ARPC5: variants seen among roughly 807,000 people sequenced by gnomAD.
The protein encoded by ARPC5 is actin related protein 2/3 complex subunit 5, also known as actin-related protein 2/3 complex subunit 5.
ARPC5 carries 5 observed loss-of-function variants against 15.4 expected under a neutral mutation model. That is an observed-to-expected ratio of 0.32 (90% CI 0.17 to 0.68). The LOEUF (loss-of-function observed/expected upper bound fraction) is 0.68. Among genes scored for constraint, ARPC5 ranks in the 30% least tolerant of loss-of-function variants. The pLI, the probability that ARPC5 is intolerant of heterozygous loss-of-function variation, is 0.71. For missense variants in ARPC5, 138 were observed against 192.8 expected, an observed-to-expected ratio of 0.72 and a Z score of 1.68; for synonymous variants, 85 against 72.2, an observed-to-expected ratio of 1.18 and a Z score of -0.90.
rs1350421352 is a variant in ARPC5, at chr1:183,622,987, T to C, written c.*4545A>G. The C allele has an allele frequency of 6.0e-6, 1 of 167,520 alleles. No homozygotes were observed. The highest frequency in any genetic ancestry group is 1.6e-4 in the East Asian group (1 of 6,160). The allele number at this position is 167,520 out of a possible 1,614,324, so 10.4% of individuals were successfully genotyped here. On this transcript the variant is annotated 3_prime_UTR_variant, in exon 4 of 4. Coordinates refer to ENST00000359856, the MANE Select transcript of ARPC5 (RefSeq NM_005717.4). ...GGATTTCTTAGGTGACTTGGCTCGT[T>C]CAATGTTATGCAACCAAGAGATATT... is the stretch of plus-strand genomic sequence containing the variant.
rs1219250572 is a variant in ARPC5, at chr1:183,633,144, T to C, written c.154A>G (p.Thr52Ala). Residue 52 changes from threonine to alanine, a missense_variant, in exon 2 of 4, where the codon ACA (threonine) becomes GCA (alanine). Physicochemically the swap from Thr to Ala is moderately conservative, Grantham distance 58. Around this residue, in one of 3 missense-constraint regions of ARPC5, gnomAD observed 121 missense variants for 153.7 expected, o/e 0.79. Coordinates refer to ENST00000359856, the MANE Select transcript of ARPC5 (RefSeq NM_005717.4). ...TTCAGAGCTGCCTGTAGGGCAGCTGTCATGTTTCCTGTGATGGAAGTTAAG... is the reference window on the plus strand; with the variant it reads ...TTCAGAGCTGCCTGTAGGGCAGCTGCCATGTTTCCTGTGATGGAAGTTAAG... Reference protein sequence around the residue: ...VDSCLRQGNMTAALQAALKNP... With the variant: ...VDSCLRQGNMAAALQAALKNP... 6.2e-7 allele frequency: 1 copy of C among 1,600,598 alleles called. No individual in the cohort carries two copies. Among genetic ancestry groups the C allele is most frequent in the Non-Finnish European group, 8.5e-7 (1 of 1,175,234 alleles).
At position 183,623,637 on chromosome 1, in the gene ARPC5, GGT is replaced by G; in HGVS notation, c.*3893_*3894del. ...AGGCCGTTGGTCTGTTCCTTAATTG[GGT>G]GTGTTTTTCAATTATTTTGGTGCTT... On this transcript the variant is annotated 3_prime_UTR_variant, in exon 4 of 4. Coordinates refer to ENST00000359856, the MANE Select transcript of ARPC5 (RefSeq NM_005717.4). 2.4e-6 allele frequency: 2 copies of G among 819,434 alleles called. No individual in the cohort carries two copies. The highest frequency in any genetic ancestry group is 1.9e-6 in the Non-Finnish European group (1 of 526,408). 50.8% of individuals were successfully genotyped at this position (819,434 alleles called of 1,614,324 possible).
intron 1 of ARPC5, among the ~76,000 whole-genome samples, chr1:183,634,435 A>G (rs376412301): frequency 9.2e-5 from 14 of 152,234 alleles, no homozygotes; most frequent in Non-Finnish European, 1.9e-4. Flanking sequence ...TTTCCCCACT[A>G]TAACAGGACA....
At position 183,622,883 on chromosome 1, in the gene ARPC5, T is replaced by C. The variant is rs1290904089; in HGVS notation, c.*4649A>G. 6.5e-6 allele frequency: 1 copy of C among 153,410 alleles called. No individual in the cohort carries two copies. The highest frequency in any genetic ancestry group is 1.9e-4 in the East Asian group (1 of 5,220). The allele number at this position is 153,410 out of a possible 1,614,324, so 9.5% of individuals were successfully genotyped here. A position where few individuals can be genotyped will look rare whatever the true frequency, so the allele number is the denominator to read the frequency against. On this transcript the variant is annotated 3_prime_UTR_variant, in exon 4 of 4. Coordinates refer to ENST00000359856, the MANE Select transcript of ARPC5 (RefSeq NM_005717.4). ...GGGTATTTGAACCCAAGAATTATTT[T>C]ACTCTTTGTATAGTTCTCAATTTGT...
intron 3 of ARPC5, among the ~76,000 whole-genome samples, chr1:183,628,375 A>G (rs954079983): frequency 3.9e-5 from 6 of 152,236 alleles, no homozygotes; most frequent in Non-Finnish European, 8.8e-5. Context: ...TTTAATAGCT[A>G]AGAACTTAGA....
At chr1:183,632,420 T>C (rs1649293272) in intron 2 of ARPC5, 1 of 152,080 alleles carries the variant, frequency 6.6e-6, no homozygotes, top group Non-Finnish European at 1.5e-5. Context: ...TTGATTTCAG[T>C]GGTTTACAAT....
chr1:183,628,120 CCG>C (rs1649161688), intron 3 of ARPC5, among the ~76,000 whole-genome samples: 1 of 135,224 alleles, frequency 7.4e-6, no homozygotes, highest in Non-Finnish European at 1.5e-5. Context: ...TTGCAGTGAG[CCG>C]AGATTGCGCC....
At position 183,635,662 on chromosome 1, in the gene ARPC5, C is replaced by G; in HGVS notation, c.-3G>C. Reference sequence around the variant, plus strand: ...GACGACACTGTGTTCTTCGACATCCCAATCCCGACCAGCGGCAAAGGCCTC... The same window carrying G: ...GACGACACTGTGTTCTTCGACATCCGAATCCCGACCAGCGGCAAAGGCCTC... On this transcript the variant is annotated 5_prime_UTR_variant, in exon 1 of 4. Transcript: ENST00000359856. The G allele has an allele frequency of 5.6e-6, 9 of 1,610,588 alleles. No individual in the cohort carries two copies. Among genetic ancestry groups the G allele is most frequent in the Non-Finnish European group, 6.8e-6 (8 of 1,178,326 alleles).
Position 183,625,507 on chromosome 1 carries a change from A to G in ARPC5, c.*2025T>C, listed in dbSNP as rs1428116365. On this transcript the variant is annotated 3_prime_UTR_variant, in exon 4 of 4. Coordinates refer to ENST00000359856, the MANE Select transcript of ARPC5 (RefSeq NM_005717.4). ...AAAGCATTCAGTATCATTTGATTTT[A>G]AAGTTTGTAATTGGTTATGCTATAC... 1 of 152,212 alleles carries G rather than the reference A, an allele frequency of 6.6e-6. No individual in the cohort carries two copies. The highest frequency in any genetic ancestry group is 1.5e-5 in the Non-Finnish European group (1 of 68,028). 9.4% of individuals were successfully genotyped at this position (152,212 alleles called of 1,614,324 possible).
At position 183,626,915 on chromosome 1, in the gene ARPC5, A is replaced by G. The variant is rs562087805; in HGVS notation, c.*617T>C. 2.6e-5 allele frequency: 4 copies of G among 152,568 alleles called. No homozygotes were observed. Among genetic ancestry groups the G allele is most frequent in the African/African-American group, 9.6e-5 (4 of 41,592 alleles). The allele number at this position is 152,568 out of a possible 1,614,324, so 9.5% of individuals were successfully genotyped here. ...GTGACCACAAATAAATTGAGGGGCC[A>G]TGATTATTGGATGCTGAGAGAAAGT... On this transcript the variant is annotated 3_prime_UTR_variant, in exon 4 of 4. Coordinates refer to ENST00000359856, the MANE Select transcript of ARPC5 (RefSeq NM_005717.4).
chr1:183,625,830 A>T lies in ARPC5; in HGVS notation c.*1702T>A, dbSNP rs1466618431. The T allele has an allele frequency of 6.6e-6, 1 of 152,258 alleles. No individual in the cohort carries two copies. The highest frequency in any genetic ancestry group is 6.5e-5 in the Admixed American group (1 of 15,292). The allele number at this position is 152,258 out of a possible 1,614,324, so 9.4% of individuals were successfully genotyped here. ...AGTCAGGTGAAGATCGAAAGCAAAC[A>T]GAAGTCGCTGTGAGTAGGTAAGTAC... is the stretch of plus-strand genomic sequence containing the variant. On this transcript the variant is annotated 3_prime_UTR_variant, in exon 4 of 4. Coordinates refer to ENST00000359856, the MANE Select transcript of ARPC5 (RefSeq NM_005717.4).
Position 183,630,557 on chromosome 1 carries a change from G to C in ARPC5, c.297C>G (p.Asp99Glu). The change falls in exon 3 of 4, where the codon GAC becomes GAG. Residue 99 changes from aspartate to glutamate, a missense_variant. Coordinates refer to ENST00000359856, the MANE Select transcript of ARPC5 (RefSeq NM_005717.4). ...NDIEKAVQSL[D>E]KNGVDLLMKY... is the part of the protein sequence containing the mutation. Reference sequence around the variant, plus strand: ...TCATTAGGAGATCCACACCATTCTTGTCCAGAGATTGAACTGCCTTTTCTA... The same window carrying C: ...TCATTAGGAGATCCACACCATTCTTCTCCAGAGATTGAACTGCCTTTTCTA... 1.9e-6 allele frequency: 3 copies of C among 1,613,926 alleles called. No individual in the cohort carries two copies. Among genetic ancestry groups the C allele is most frequent in the Non-Finnish European group, 2.5e-6 (3 of 1,179,868 alleles).
chr1:183,629,365 TTAAA>T (rs1426496497), intron 3 of ARPC5, among the ~76,000 whole-genome samples: 1 of 152,176 alleles, frequency 6.6e-6, no homozygotes, highest in African/African-American at 2.4e-5. Context: ...GTTGTAAAGG[TTAAA>T]TAAAACATTA....
chr1:183,635,421 G>C (rs1649448809), intron 1 of ARPC5, 96 bp downstream of exon 1: 1 of 1,413,956 alleles, frequency 7.1e-7, no homozygotes, highest in African/African-American at 1.4e-5. Flanking sequence ...GGGCAGCTCC[G>C]CGCCGGTGCC....
At position 183,630,490 on chromosome 1, in the gene ARPC5, T is replaced by C. The variant is rs757400907; in HGVS notation, c.364A>G (p.Ser122Gly). ...KGFESPSDNSSAMLLQWHEKA... is the reference protein window; with the variant it reads ...KGFESPSDNSGAMLLQWHEKA... ...TCATGCCATTGCAGTAACATAGCAC[T>C]GCTATTGTCAGACGGGCTCTCAAAT... The change falls in exon 3 of 4, where the codon AGT becomes GGT. Residue 122 changes from serine to glycine, a missense_variant. Ser to Gly is a moderately conservative substitution (Grantham distance 56). Around this residue, in one of 3 missense-constraint regions of ARPC5, gnomAD observed 121 missense variants for 153.7 expected, o/e 0.79. Coordinates refer to ENST00000359856, the MANE Select transcript of ARPC5 (RefSeq NM_005717.4). 50 of 1,612,886 alleles carry C rather than the reference T, an allele frequency of 3.1e-5. No homozygotes were observed. Among genetic ancestry groups the C allele is most frequent in the Non-Finnish European group, 4.2e-5 (49 of 1,179,474 alleles).
At position 183,620,934 on chromosome 1, in the gene ARPC5, A is replaced by T. The variant is rs1648913455; in HGVS notation, c.*6598T>A. The stretch of plus-strand genomic sequence containing the variant: ...AGAAATATTTGACATTCCTGTTGAA[A>T]AGAGCTCCTACAAATCAGTAAGAAA... On this transcript the variant is annotated 3_prime_UTR_variant, in exon 4 of 4. Transcript: ENST00000359856. 6.6e-6 allele frequency: 1 copy of T among 152,120 alleles called. No individual in the cohort carries two copies. The highest frequency in any genetic ancestry group is 2.4e-5 in the African/African-American group (1 of 41,454). The allele number at this position is 152,120 out of a possible 1,614,324, so 9.4% of individuals were successfully genotyped here.
chr1:183,630,787 A>G, intron 2 of ARPC5, 150 bp from the exon 3 acceptor site: 2 of 714,740 alleles, frequency 2.8e-6, no homozygotes, highest in Non-Finnish European at 4.5e-6. Context: ...AGTGTTTCAG[A>G]CAGAGGAAAG....
intron 1 of ARPC5, among the ~76,000 whole-genome samples, chr1:183,635,069 G>A (rs1420916258): frequency 6.6e-6 from 1 of 152,014 alleles, no homozygotes; most frequent in African/African-American, 2.4e-5. Context: ...ACTAAGGAAA[G>A]ATGCAGGTTC....
At chr1:183,628,558 C>T (rs1649177954) in intron 3 of ARPC5, among the ~76,000 whole-genome samples, 2 of 152,182 alleles carry the variant, frequency 1.3e-5, no homozygotes, top group Admixed American at 1.3e-4. Context: ...TCTGGTCTAG[C>T]ATGAGGAGAC....
Sources: gnomAD v4.1 joint callset for allele counts (sites outside exome capture counted in the v4.1 genomes callset) on GRCh38, gnomAD v4.1.1 for gene constraint, gnomAD v4.1.1 regional missense constraint, MANE v1.5 for transcripts, NCBI Gene and HGNC (gene_info 2026-07-23, HGNC 2026-07-21) for gene names.